PIK3C2A: variants seen among roughly 807,000 people sequenced by gnomAD.
PIK3C2A encodes phosphatidylinositol-4-phosphate 3-kinase catalytic subunit type 2 alpha, also known as phosphatidylinositol 4-phosphate 3-kinase C2 domain-containing subunit alpha.
A neutral mutation model predicts 204.5 loss-of-function variants in PIK3C2A; 97 were observed. The observed-to-expected ratio is 0.47, with a 90% CI of 0.40 to 0.56. PIK3C2A has a LOEUF of 0.56. Among genes scored for constraint, PIK3C2A ranks in the 20% least tolerant of loss-of-function variants. PIK3C2A has a pLI of 0.00. For missense variants in PIK3C2A, 1,735 were observed against 1,969.2 expected (o/e 0.88, Z 2.25); for synonymous variants, 653 against 664.4 (o/e 0.98, Z 0.26).
At chr11:17,111,898 A>G (rs1849014921) in intron 21 of PIK3C2A, among the ~76,000 whole-genome samples, 1 of 151,046 alleles carries the variant, frequency 6.6e-6, no homozygotes, top group Non-Finnish European at 1.5e-5. Context: ...AAAAAAAAAA[A>G]AAATTCAAAA....
At chr11:17,139,368 C>G (rs1245548279) in intron 8 of PIK3C2A, among the ~76,000 whole-genome samples, 2 of 152,086 alleles carry the variant, frequency 1.3e-5, no homozygotes, top group South Asian at 4.1e-4. Context: ...GGTGGGATTA[C>G]AAGCATGTGC....
chr11:17,197,926 A>G (rs1293577662), intron 1 of PIK3C2A, among the ~76,000 whole-genome samples: 2 of 152,206 alleles, frequency 1.3e-5, no homozygotes, highest in Admixed American at 6.5e-5. Flanking sequence ...AAAAATAACG[A>G]AAAACTGACA....
intron 11 of PIK3C2A, among the ~76,000 whole-genome samples, chr11:17,132,619 G>A (rs570555325): frequency 4.7e-4 from 72 of 151,834 alleles, no homozygotes; most frequent in Admixed American, 1.4e-3. Context: ...GTGAGCCACC[G>A]CGCCCGGCCA....
Position 17,117,511 on chromosome 11 carries a change from C to G in PIK3C2A, c.3196G>C (p.Ala1066Pro). 1 of 1,613,096 alleles carries G rather than the reference C, an allele frequency of 6.2e-7. No individual in the cohort carries two copies. Among genetic ancestry groups the G allele is most frequent in the Non-Finnish European group, 8.5e-7 (1 of 1,179,356 alleles). The change falls in exon 19 of 33, where the codon GCT (alanine) becomes CCT (proline). Residue 1066 changes from alanine to proline, a missense_variant. Transcript: ENST00000691414. ...CATACCTGTCTGGCTGATCCACTAG[C>G]CTGCCTTACTTTTTCTGCTACTCCT... ...LGGVAEKVRQ[A>P]SGSARQVVLQ... is the part of the protein sequence containing the mutation.
intron 13 of PIK3C2A, among the ~76,000 whole-genome samples, chr11:17,126,871 C>G (rs1022409620): frequency 1.3e-5 from 2 of 152,132 alleles, no homozygotes; most frequent in African/African-American, 4.8e-5. Flanking sequence ...TCTAACAAAA[C>G]CATTTATTAC....
intron 1 of PIK3C2A, among the ~76,000 whole-genome samples, chr11:17,194,833 C>T (rs1000671148): frequency 6.6e-5 from 10 of 151,368 alleles, no homozygotes; most frequent in African/African-American, 2.4e-4. Flanking sequence ...TGCTTGAACC[C>T]AGGAGGCAGA....
At chr11:17,183,167 A>G (rs1851623216) in intron 1 of PIK3C2A, among the ~76,000 whole-genome samples, 1 of 152,192 alleles carries the variant, frequency 6.6e-6, no homozygotes, top group Non-Finnish European at 1.5e-5. Flanking sequence ...AAATACAAGT[A>G]AAACATTAAA....
chr11:17,123,391 G>GGC (rs1238834412), intron 13 of PIK3C2A, among the ~76,000 whole-genome samples: 1 of 151,586 alleles, frequency 6.6e-6, no homozygotes, highest in East Asian at 1.9e-4. Context: ...TAGGACTATA[G>GGC]GCACGTGGCA....
Position 17,110,545 on chromosome 11 carries a change from C to T in PIK3C2A, c.3431G>A (p.Arg1144Gln), listed in dbSNP as rs773294986. Residue 1144 changes from arginine to glutamine, a missense_variant, in exon 22 of 33, where the codon CGG (arginine) becomes CAG (glutamine). Coordinates refer to ENST00000691414, the MANE Select transcript of PIK3C2A (RefSeq NM_002645.4). Reference sequence around the variant, plus strand: ...CATCTGTAAAGCTAACATATCTTGCCGAAGATCTTCACCAACCTTGAAATC... The same window carrying T: ...CATCTGTAAAGCTAACATATCTTGCTGAAGATCTTCACCAACCTTGAAATC... The part of the protein sequence containing the change: ...NVMFKVGEDL[R>Q]QDMLALQMIK... 1.1e-5 allele frequency: 18 copies of T among 1,609,386 alleles called. No homozygotes were observed. Among genetic ancestry groups the T allele is most frequent in the East Asian group, 8.9e-5 (4 of 44,788 alleles).
chr11:17,166,161 T>C (rs1002211135), intron 2 of PIK3C2A, among the ~76,000 whole-genome samples: 6 of 152,204 alleles, frequency 3.9e-5, no homozygotes, highest in African/African-American at 1.4e-4. Context: ...ACATCTCAGT[T>C]TCCTCAACTG....
rs1849316241 is a variant in PIK3C2A at position 17,119,845 on chromosome 11, T to C, written c.2787A>G (p.Ser929=). Residue 929 remains serine (S), a synonymous_variant, in exon 16 of 33, where the codon TCA becomes TCG. Transcript: ENST00000691414. ...ACAATGCAGGCCACTGGTGAAGCAA[T>C]GAGTAAGTTTTGGCAAGATTAACCC... ...WKWVNLAKTY[S]LLHQWPALYP... is the part of the protein sequence containing the mutation. The C allele has an allele frequency of 6.2e-7, 1 of 1,609,552 alleles. No homozygotes were observed. The highest frequency in any genetic ancestry group is 1.3e-5 in the African/African-American group (1 of 74,676).
rs10437606 is a variant in PIK3C2A, at chr11:17,185,143, A to G, written c.-65-15337T>C. 7.1e-3 allele frequency among the ~76,000 whole-genome samples: 1,078 copies of G among 152,270 alleles called. 22 individuals carry two copies. The highest frequency in any genetic ancestry group is 0.025 in the African/African-American group (1,029 of 41,558). The stretch of plus-strand genomic sequence containing the variant: ...TCATACTTAAGTGCCCTACACAGGT[A>G]CATTTTTAAATCTTTTATACCATAT... On this transcript the variant is annotated intron_variant, in intron 1 of 32. Transcript: ENST00000691414.
rs1487311435 is a variant in PIK3C2A, at chr11:17,147,595, T to C, written c.1482A>G (p.Gln494=). 1.9e-6 allele frequency: 3 copies of C among 1,604,156 alleles called. No individual in the cohort carries two copies. The highest frequency in any genetic ancestry group is 2.7e-5 in the African/African-American group (2 of 74,748). The part of the protein sequence containing the change: ...NHCLGSHEHI[Q]NCRKWDTEIR... ...TTTCTGTGTCCCATTTTCGACAGTT[T>C]TGAATATGCTCATGACTTCCAAGGC... The change falls in exon 6 of 33, where the codon CAA becomes CAG. Residue 494 remains glutamine, a synonymous_variant. Coordinates refer to ENST00000691414, the MANE Select transcript of PIK3C2A (RefSeq NM_002645.4).
chr11:17,150,431 A>G, intron 4 of PIK3C2A, 67 bp downstream of exon 4: 1 of 1,343,758 alleles, frequency 7.4e-7, no homozygotes. Context: ...AAGAATGATA[A>G]TATTGATATT....
chr11:17,176,393 C>T (rs1047616574), intron 1 of PIK3C2A, among the ~76,000 whole-genome samples: 6 of 151,926 alleles, frequency 3.9e-5, no homozygotes, highest in South Asian at 4.2e-4. Flanking sequence ...AGTGGGAAGA[C>T]TGCTTGAGCC....
chr11:17,117,899 G>C (rs61762021), intron 18 of PIK3C2A, among the ~76,000 whole-genome samples: 34 of 151,524 alleles, frequency 2.2e-4, no homozygotes, highest in Admixed American at 5.3e-4. Context: ...ATTTTTAGTA[G>C]AGATGGGGTT....
At chr11:17,091,523 CCAT>C (rs1565233220) in intron 31 of PIK3C2A, 21 bp downstream of exon 31, 1 of 1,608,622 alleles carries the variant, frequency 6.2e-7, no homozygotes, top group Non-Finnish European at 8.5e-7. Context: ...TCCTCTACAA[CCAT>C]CATTCTTTGT....
chr11:17,096,631 T>C (rs1210427876), intron 27 of PIK3C2A, among the ~76,000 whole-genome samples: 1 of 152,182 alleles, frequency 6.6e-6, no homozygotes, highest in African/African-American at 2.4e-5. Flanking sequence ...CTGGAAAGTA[T>C]TATCTAACAA....
At chr11:17,201,666 T>A (rs1466911234) in intron 1 of PIK3C2A, among the ~76,000 whole-genome samples, 1 of 152,156 alleles carries the variant, frequency 6.6e-6, no homozygotes, top group Non-Finnish European at 1.5e-5. Context: ...CCTCATCATC[T>A]TCTTCTTCCT....
Sources: gnomAD v4.1 joint callset for allele counts (sites outside exome capture counted in the v4.1 genomes callset) on GRCh38, gnomAD v4.1.1 for gene constraint, MANE v1.5 for transcripts, NCBI Gene and HGNC (gene_info 2026-07-23, HGNC 2026-07-21) for gene names.